The following ATP2C1 variants were observed in gnomAD, a reference collection of about 807,000 sequenced individuals.
ATP2C1 encodes the protein calcium-transporting ATPase type 2C member 1.
ATP2C1 carries 31 observed loss-of-function variants against 120.5 expected under a neutral mutation model. That is an observed-to-expected ratio of 0.26 (90% CI 0.19 to 0.35). The LOEUF is 0.35. Ranked by LOEUF, ATP2C1 falls within the 10% of genes least tolerant of loss-of-function variation. The pLI is 1.00. For missense variants in ATP2C1, 731 were observed against 1,107.5 expected (o/e 0.66, Z 4.83); for synonymous variants, 351 against 358.7 (o/e 0.98, Z 0.24).
rs748119036 is a variant in ATP2C1, at chr3:130,862,999, C to T, written c.108+12071C>T. On this transcript the variant is annotated intron_variant, in intron 1 of 26. Coordinates refer to the ATP2C1 transcript ENST00000504381. ...ATGAGAACAATGCTAGAGTCTTTCTCGGGGCCTTAAAGAGGGTTCTGCAAG... is the reference window on the plus strand; with the variant it reads ...ATGAGAACAATGCTAGAGTCTTTCTTGGGGCCTTAAAGAGGGTTCTGCAAG... Among the ~76,000 whole-genome samples the T allele has an allele frequency of 4.6e-5, 7 of 152,148 alleles. 1 individual carries two copies. The East Asian group carries it at 1.2e-3, about 25-fold the overall frequency.
intron 20 of ATP2C1, among the ~76,000 whole-genome samples, 182 bp downstream of exon 20, chr3:130,980,861 T>G (rs2061727330): frequency 6.6e-6 from 1 of 152,226 alleles, no homozygotes; most frequent in Non-Finnish European, 1.5e-5. Flanking sequence ...TGATTATTTA[T>G]GATATGATGT....
At chr3:130,947,925 A>T (rs2108504713) in intron 8 of ATP2C1, among the ~76,000 whole-genome samples, 1 of 152,298 alleles carries the variant, frequency 6.6e-6, no homozygotes, top group African/African-American at 2.4e-5. Flanking sequence ...TTGAAGTGAT[A>T]CTAACTTTGC....
intron 1 of ATP2C1, among the ~76,000 whole-genome samples, chr3:130,866,887 T>G (rs2068195143): frequency 6.6e-6 from 1 of 152,220 alleles, no homozygotes; most frequent in African/African-American, 2.4e-5. Flanking sequence ...ATTGAAGGTT[T>G]CTGGCAACCT....
chr3:130,996,504 C>T (rs1056653949), intron 23 of ATP2C1, among the ~76,000 whole-genome samples, 176 bp from the exon 24 acceptor site: 1 of 152,144 alleles, frequency 6.6e-6, no homozygotes, highest in South Asian at 2.1e-4. Flanking sequence ...TCTTGAAAAT[C>T]CTTTGTTAAA....
rs1012298767 is a variant in ATP2C1, at chr3:131,001,541, A to G, written c.*191A>G. ...AATGAAATTATGCAACTTTGATATC[A>G]TATTCCTTGATTTAAATTGGCTTTT... On this transcript the variant is annotated 3_prime_UTR_variant, in exon 28 of 28. Transcript: ENST00000510168. The G allele has an allele frequency of 9.5e-5, 123 of 1,295,828 alleles. No individual in the cohort carries two copies. Among genetic ancestry groups the G allele is most frequent in the Non-Finnish European group, 1.2e-4 (118 of 1,017,200 alleles). The allele number at this position is 1,295,828 out of a possible 1,614,324, so 80.3% of individuals were successfully genotyped here. A position where few individuals can be genotyped will look rare whatever the true frequency, so the allele number is the denominator to read the frequency against.
chr3:130,952,894 C>T (rs2060425890), intron 8 of ATP2C1, among the ~76,000 whole-genome samples: 2 of 152,282 alleles, frequency 1.3e-5, no homozygotes, highest in South Asian at 4.1e-4. Flanking sequence ...TAACTTCTAA[C>T]AAGTTCTGAG....
At chr3:131,014,948 C>T (rs902741102) in intron 26 of ATP2C1, among the ~76,000 whole-genome samples, 1 of 152,198 alleles carries the variant, frequency 6.6e-6, no homozygotes, top group Non-Finnish European at 1.5e-5. Flanking sequence ...GATTCAAGAA[C>T]AATCCTGCTG....
rs144861552 is a variant in ATP2C1, at chr3:131,013,958, G to A, written c.2630-2194G>A. 1,515 of 796,266 alleles carry A rather than the reference G, an allele frequency of 1.9e-3. 20 individuals carry two copies. The African/African-American group carries it at 0.023, about 12-fold the overall frequency. The allele number at this position is 796,266 out of a possible 1,614,324, so 49.3% of individuals were successfully genotyped here. On this transcript the variant is annotated intron_variant, in intron 26 of 26. Coordinates refer to the ATP2C1 transcript ENST00000328560. Reference sequence around the variant, plus strand: ...TATTGTGATGTTTATCCCCTAACAGGTCAGTCCTAAAGAAAAAGCTAATTG... The same window carrying A: ...TATTGTGATGTTTATCCCCTAACAGATCAGTCCTAAAGAAAAAGCTAATTG...
intron 2 of ATP2C1, among the ~76,000 whole-genome samples, chr3:130,899,968 C>T (rs1053804744): frequency 2.0e-5 from 3 of 152,048 alleles, no homozygotes; most frequent in Admixed American, 6.6e-5. Context: ...TTGGTCATTT[C>T]GTAAACATGC....
intron 6 of ATP2C1, among the ~76,000 whole-genome samples, chr3:130,939,202 A>G (rs1576798878): frequency 6.6e-6 from 1 of 152,364 alleles, no homozygotes; most frequent in South Asian, 2.1e-4. Context: ...TAATGCTTTA[A>G]TCAAAAAGCT....
At chr3:130,865,135 C>T (rs2068128181) in intron 1 of ATP2C1, among the ~76,000 whole-genome samples, 1 of 152,238 alleles carries the variant, frequency 6.6e-6, no homozygotes, top group African/African-American at 2.4e-5. Context: ...CCCAATCTTG[C>T]ATCAGCATGA....
At chr3:130,861,024 C>A (rs1178094017) in intron 1 of ATP2C1, among the ~76,000 whole-genome samples, 2 of 152,218 alleles carry the variant, frequency 1.3e-5, no homozygotes, top group Non-Finnish European at 2.9e-5. Context: ...ATTCCCAACA[C>A]TTTGAGAGGC....
At chr3:130,932,875 G>C (rs1159002029) in intron 4 of ATP2C1, among the ~76,000 whole-genome samples, 1 of 152,118 alleles carries the variant, frequency 6.6e-6, no homozygotes, top group Non-Finnish European at 1.5e-5. Flanking sequence ...TTCTGCTAAT[G>C]AGCTTAAATT....
chr3:130,894,119 C>G lies in ATP2C1; in HGVS notation c.-399C>G. 2.1e-6 allele frequency: 2 copies of G among 968,868 alleles called. No individual in the cohort carries two copies. Among genetic ancestry groups the G allele is most frequent in the Non-Finnish European group, 2.5e-6 (2 of 814,910 alleles). 60.0% of individuals were successfully genotyped at this position (968,868 alleles called of 1,614,324 possible). On this transcript the variant is annotated 5_prime_UTR_variant, in exon 1 of 28. Coordinates refer to ENST00000510168, the MANE Select transcript of ATP2C1 (RefSeq NM_001378687.1). This position sits in a 1 kb window ranked among gnomAD's most constrained non-coding sequence, Gnocchi z 4.5. ...GGCCTCGCGGAGCCGGCCCGGCGGA[C>G]CGTGACGGGTCCCCTCACCTCCTCT...
At chr3:130,961,413 A>G (rs1156422750) in intron 12 of ATP2C1, among the ~76,000 whole-genome samples, 1 of 152,014 alleles carries the variant, frequency 6.6e-6, no homozygotes, top group Non-Finnish European at 1.5e-5. Flanking sequence ...GGAATCTTTT[A>G]TAAGTATAAG....
chr3:130,933,451 A>G (rs937666958), intron 4 of ATP2C1, among the ~76,000 whole-genome samples: 1 of 152,168 alleles, frequency 6.6e-6, no homozygotes, highest in African/African-American at 2.4e-5. Context: ...GTTAATCCTT[A>G]TAACAGTTCT....
At chr3:131,008,702 A>T (rs2063207238) in intron 26 of ATP2C1, among the ~76,000 whole-genome samples, 1 of 152,280 alleles carries the variant, frequency 6.6e-6, no homozygotes, top group Middle Eastern at 3.4e-3. Flanking sequence ...AAAAGAGGAA[A>T]ATAGGCCCTG....
At chr3:130,854,861 T>A (rs73872031) in intron 1 of ATP2C1, among the ~76,000 whole-genome samples, 1,949 of 152,326 alleles carry the variant, frequency 0.013, 48 homozygotes, top group African/African-American at 0.044. Context: ...CCAGAGCACT[T>A]CAGCCTTGCA....
intron 2 of ATP2C1, among the ~76,000 whole-genome samples, chr3:130,902,029 G>A (rs1319440335): frequency 6.6e-6 from 1 of 152,012 alleles, no homozygotes; most frequent in Non-Finnish European, 1.5e-5. Flanking sequence ...TTTAGCCCCA[G>A]ATGTCAATGG....
Sources: allele counts gnomAD v4.1 joint callset (sites outside exome capture counted in the v4.1 genomes callset), GRCh38; gene constraint gnomAD v4.1.1; non-coding constraint Gnocchi (gnomAD v3.1); transcripts MANE v1.5; gene names NCBI Gene and HGNC (gene_info 2026-07-23, HGNC 2026-07-21).